The following IRS2 variants were observed in gnomAD, a reference collection of about 807,000 sequenced individuals.
IRS2 encodes the protein insulin receptor substrate 2.
Under a neutral mutation model 70.9 loss-of-function variants are expected in IRS2, and 28 were observed. The ratio of observed to expected loss-of-function variants is 0.39; its 90% CI spans 0.29 to 0.54. IRS2 has a LOEUF of 0.54. IRS2 is among the 20% of genes least tolerant of loss of function. The probability of loss-of-function intolerance (pLI) is 0.59; values close to 1 mark genes in which losing one functional copy is unlikely to be tolerated. For synonymous variants in IRS2, 1,217 were observed against 981.9 expected (o/e 1.24, Z -4.48); for missense variants, 2,081 against 2,024.1 (o/e 1.03, Z -0.54).
In IRS2 at chr13:109,786,037, C is replaced by T. The variant is rs1877914276; in HGVS notation, c.17G>A (p.Arg6Gln). MASPP[R>Q]HGPPGPASGD... is the part of the protein sequence containing the mutation. ...GCTCGCCGGCCCGGGCGGCCCGTGC[C>T]GCGGCGGGCTCGCCATCGCGGGCGC... The change falls in exon 1 of 2, where the codon CGG becomes CAG. Residue 6 changes from arginine (R) to glutamine (Q), a missense_variant. By Grantham distance (43) the Arg-to-Gln change is conservative (BLOSUM62 1). Transcript: ENST00000375856. This position sits in a 1 kb window ranked among gnomAD's most constrained non-coding sequence, Gnocchi z 4.4. 3 of 1,317,560 alleles carry T rather than the reference C, an allele frequency of 2.3e-6. No homozygotes were observed. The highest frequency in any genetic ancestry group is 2.9e-6 in the Non-Finnish European group (3 of 1,036,708). The allele number at this position is 1,317,560 out of a possible 1,614,324, so 81.6% of individuals were successfully genotyped here.
At chr13:109,779,985 A>G (rs1431688791) in intron 1 of IRS2, among the ~76,000 whole-genome samples, 3 of 152,180 alleles carry the variant, frequency 2.0e-5, no homozygotes, top group African/African-American at 7.2e-5. Flanking sequence ...TTTGGACCCC[A>G]ATTCTGAATG....
At position 109,785,605 on chromosome 13, in the gene IRS2, G is replaced by A; in HGVS notation, c.449C>T (p.Ala150Val). The A allele has an allele frequency of 7.3e-7, 1 of 1,365,716 alleles. No individual in the cohort carries two copies. The allele number at this position is 1,365,716 out of a possible 1,614,324, so 84.6% of individuals were successfully genotyped here. A position where few individuals can be genotyped will look rare whatever the true frequency, so the allele number is the denominator to read the frequency against. The change falls in exon 1 of 2, where the codon GCC (alanine) becomes GTC (valine). Residue 150 changes from alanine (A) to valine (V), a missense_variant. Around this residue, in one of 4 missense-constraint regions of IRS2, gnomAD observed 320 missense variants for 352.9 expected, o/e 0.91. Coordinates refer to ENST00000375856, the MANE Select transcript of IRS2 (RefSeq NM_003749.3). This position sits in a 1 kb window ranked among gnomAD's most constrained non-coding sequence, Gnocchi z 9.3. ...CGCGGCGGCGGGGGGCGCGTCTCCGGCGGCCGCGCGGCCCTCGCTGACCAG... is the reference window on the plus strand; with the variant it reads ...CGCGGCGGCGGGGGGCGCGTCTCCGACGGCCGCGCGGCCCTCGCTGACCAG... Reference protein sequence around the residue: ...TDLVSEGRAAAGDAPPAAAPA... With the variant: ...TDLVSEGRAAVGDAPPAAAPA...
intron 1 of IRS2, among the ~76,000 whole-genome samples, chr13:109,779,784 T>C (rs1296287427): frequency 1.3e-5 from 2 of 152,208 alleles, no homozygotes. Flanking sequence ...GCAGCCCCAG[T>C]GATCTCTCAT....
chr13:109,785,537 C>G lies in IRS2; in HGVS notation c.517G>C (p.Gly173Arg), dbSNP rs771982742. 5.8e-6 allele frequency: 9 copies of G among 1,565,202 alleles called. No individual in the cohort carries two copies. The South Asian group carries it at 6.9e-5, about 12-fold the overall frequency. ...CSASLPGALG[G>R]SAGAAGAEDS... ...TCGGCCCCGGCGGCGCCGGCAGAGC[C>G]GCCCAGGGCGCCGGGCAGGGAGGCG... is the stretch of plus-strand genomic sequence containing the variant. Residue 173 changes from glycine (G) to arginine (R), a missense_variant, in exon 1 of 2, where the codon GGC becomes CGC. Gly to Arg is a moderately radical substitution (Grantham distance 125). Around this residue, in one of 4 missense-constraint regions of IRS2, gnomAD observed 320 missense variants for 352.9 expected, o/e 0.91. Transcript: ENST00000375856. The surrounding 1 kb of genome is among the most constrained non-coding windows in gnomAD (Gnocchi z 9.3).
rs1356068324 is a variant in IRS2 at position 109,753,058 on chromosome 13, T to C, written c.*3246A>G. On this transcript the variant is annotated 3_prime_UTR_variant, in exon 2 of 2. Transcript: ENST00000375856. ...CTCACGGCAACCTCTGCCTCCCGGGTTCAAGCCATTCTCCTGCCTCAGCCT... is the reference window on the plus strand; with the variant it reads ...CTCACGGCAACCTCTGCCTCCCGGGCTCAAGCCATTCTCCTGCCTCAGCCT... 3 of 148,634 alleles carry C rather than the reference T, an allele frequency of 2.0e-5. No homozygotes were observed. Among genetic ancestry groups the C allele is most frequent in the Non-Finnish European group, 4.4e-5 (3 of 67,718 alleles). The allele number at this position is 148,634 out of a possible 1,614,324, so 9.2% of individuals were successfully genotyped here.
At chr13:109,773,389 A>G (rs1425960398) in intron 1 of IRS2, among the ~76,000 whole-genome samples, 1 of 152,204 alleles carries the variant, frequency 6.6e-6, no homozygotes, top group Non-Finnish European at 1.5e-5. Context: ...ACTTATCCAT[A>G]ATGGGGAATA....
Position 109,783,707 on chromosome 13 carries a change from A to C in IRS2, c.2347T>G (p.Phe783Val), listed in dbSNP as rs775734988. Reference protein sequence around the residue: ...DAVTTGTPPDFFSAALHPGGE... With the variant: ...DAVTTGTPPDVFSAALHPGGE... ...CCGGGGTGCAGGGCTGCGGAGAAGA[A>C]GTCGGGCGGGGTGCCCGTGGTGACC... Residue 783 changes from phenylalanine (F) to valine (V), a missense_variant, in exon 1 of 2, where the codon TTC (phenylalanine) becomes GTC (valine). Phe to Val is a conservative substitution (Grantham distance 50). Coordinates refer to ENST00000375856, the MANE Select transcript of IRS2 (RefSeq NM_003749.3). 1.3e-6 allele frequency: 2 copies of C among 1,568,986 alleles called. No individual in the cohort carries two copies. Among genetic ancestry groups the C allele is most frequent in the East Asian group, 2.4e-5 (1 of 42,236 alleles).
intron 1 of IRS2, among the ~76,000 whole-genome samples, chr13:109,774,487 A>G (rs9555633): frequency 0.33 from 50,355 of 152,092 alleles, 8,476 homozygotes; most frequent in Middle Eastern, 0.47. Context: ...AAAGGGGGAG[A>G]TGATTAACTA....
rs1877732900 is a variant in IRS2 at position 109,782,362 on chromosome 13, C to A, written c.3692G>T (p.Cys1231Phe). 3.1e-6 allele frequency: 5 copies of A among 1,611,596 alleles called. No homozygotes were observed. The highest frequency in any genetic ancestry group is 3.4e-6 in the Non-Finnish European group (4 of 1,179,414). ...CATGGGCGATCCACCGCTCCCAGGA[C>A]AACCGACCAAGCCCCCGGGCTGACC... ...TPGQPGGLVGCPGSGGSPMRR... is the reference protein window; with the variant it reads ...TPGQPGGLVGFPGSGGSPMRR... The change falls in exon 1 of 2, where the codon TGT becomes TTT. Residue 1231 changes from cysteine (C) to phenylalanine (F), a missense_variant. Cys to Phe is a radical substitution (Grantham distance 205). This residue lies in a region of IRS2 where 1,615 missense variants were observed against 1,459.5 expected (regional missense o/e 1.11). Transcript: ENST00000375856.
chr13:109,764,130 G>A (rs1012983167), intron 1 of IRS2, among the ~76,000 whole-genome samples: 11 of 152,212 alleles, frequency 7.2e-5, no homozygotes, highest in Non-Finnish European at 1.5e-4. Context: ...TCTCTTTGCA[G>A]AGATCAAAGT....
chr13:109,755,953 C>A lies in IRS2; in HGVS notation c.*351G>T. On this transcript the variant is annotated 3_prime_UTR_variant, in exon 2 of 2. Transcript: ENST00000375856. ...CATGCTGAGGGTTATATCTGCTTTGCCAAAAGGAAAAGAAGAAGAAATTAA... is the reference window on the plus strand; with the variant it reads ...CATGCTGAGGGTTATATCTGCTTTGACAAAAGGAAAAGAAGAAGAAATTAA... The A allele has an allele frequency of 2.7e-6, 1 of 376,078 alleles. No homozygotes were observed. Among genetic ancestry groups the A allele is most frequent in the Non-Finnish European group, 4.9e-6 (1 of 202,650 alleles). The allele number at this position is 376,078 out of a possible 1,614,324, so 23.3% of individuals were successfully genotyped here.
chr13:109,753,850 T>C lies in IRS2; in HGVS notation c.*2454A>G. The C allele has an allele frequency of 4.5e-6, 1 of 223,822 alleles. No homozygotes were observed. The highest frequency in any genetic ancestry group is 8.9e-6 in the Non-Finnish European group (1 of 111,912). 13.9% of individuals were successfully genotyped at this position (223,822 alleles called of 1,614,324 possible). On this transcript the variant is annotated 3_prime_UTR_variant, in exon 2 of 2. Transcript: ENST00000375856. ...TTCAGGACTGTATTCATTTCATAAA[T>C]AATGTACTTTATTTTATTGCATATG...
At position 109,786,010 on chromosome 13, in the gene IRS2, C is replaced by G. The variant is rs895227588; in HGVS notation, c.44G>C (p.Gly15Ala). Residue 15 changes from glycine to alanine, a missense_variant, in exon 1 of 2, where the codon GGA becomes GCA. By Grantham distance (60) the Gly-to-Ala change is moderately conservative. Coordinates refer to ENST00000375856, the MANE Select transcript of IRS2 (RefSeq NM_003749.3). This position sits in a 1 kb window ranked among gnomAD's most constrained non-coding sequence, Gnocchi z 4.4. The stretch of plus-strand genomic sequence containing the variant: ...GTTGTTGTTGAGGTTGGGGCCGTCT[C>G]CGCTCGCCGGCCCGGGCGGCCCGTG... ...PRHGPPGPAS[G>A]DGPNLNNNNN... is the part of the protein sequence containing the mutation. The G allele has an allele frequency of 1.2e-4, 171 of 1,399,710 alleles. No homozygotes were observed. The highest frequency in any genetic ancestry group is 2.0e-4 in the Middle Eastern group (1 of 5,040). The allele number at this position is 1,399,710 out of a possible 1,614,324, so 86.7% of individuals were successfully genotyped here. A position where few individuals can be genotyped will look rare whatever the true frequency, so the allele number is the denominator to read the frequency against.
intron 1 of IRS2, among the ~76,000 whole-genome samples, chr13:109,773,285 A>G (rs1877499499): frequency 6.6e-6 from 1 of 152,246 alleles, no homozygotes; most frequent in Non-Finnish European, 1.5e-5. Context: ...CTGATTAGTT[A>G]GTTATTGGTC....
rs1877856341 is a variant in IRS2, at chr13:109,784,663, C to G, written c.1391G>C (p.Gly464Ala). 8.0e-7 allele frequency: 1 copy of G among 1,245,274 alleles called. No individual in the cohort carries two copies. Among genetic ancestry groups the G allele is most frequent in the Non-Finnish European group, 1.0e-6 (1 of 997,430 alleles). 77.1% of individuals were successfully genotyped at this position (1,245,274 alleles called of 1,614,324 possible). A position where few individuals can be genotyped will look rare whatever the true frequency, so the allele number is the denominator to read the frequency against. ...HGSGSYPPPP[G>A]PHPPLPHPLH... ...CGGATGCGGCAGAGGCGGGTGCGGGCCGGGCGGCGGCGGGTAGGAGCCCGA... is the reference window on the plus strand; with the variant it reads ...CGGATGCGGCAGAGGCGGGTGCGGGGCGGGCGGCGGCGGGTAGGAGCCCGA... Residue 464 changes from glycine to alanine, a missense_variant, in exon 1 of 2, where the codon GGC (glycine) becomes GCC (alanine). Around this residue, in one of 4 missense-constraint regions of IRS2, gnomAD observed 1,615 missense variants for 1,459.5 expected, o/e 1.11. Coordinates refer to ENST00000375856, the MANE Select transcript of IRS2 (RefSeq NM_003749.3). The surrounding 1 kb of genome is among the most constrained non-coding windows in gnomAD (Gnocchi z 5.2).
At chr13:109,781,269 T>C (rs1297852085) in intron 1 of IRS2, among the ~76,000 whole-genome samples, 1 of 152,062 alleles carries the variant, frequency 6.6e-6, no homozygotes, top group African/African-American at 2.4e-5. Context: ...GGAGACTCAC[T>C]AGAAATGCAC....
intron 1 of IRS2, among the ~76,000 whole-genome samples, chr13:109,772,004 T>C (rs903627218): frequency 6.6e-6 from 1 of 152,248 alleles, no homozygotes; most frequent in Non-Finnish European, 1.5e-5. Flanking sequence ...AAAACTTTTC[T>C]CCCTGCTTCA....
chr13:109,764,051 C>T (rs1265199253), intron 1 of IRS2, among the ~76,000 whole-genome samples: 10 of 152,212 alleles, frequency 6.6e-5, no homozygotes, highest in Non-Finnish European at 1.5e-5. Context: ...ACCACGTAGC[C>T]TTTAACTGAG....
At chr13:109,770,910 A>G (rs1877439752) in intron 1 of IRS2, among the ~76,000 whole-genome samples, 1 of 152,238 alleles carries the variant, frequency 6.6e-6, no homozygotes, top group Non-Finnish European at 1.5e-5. Flanking sequence ...TGGACAGATC[A>G]AGACTCACAC....
Sources: gnomAD v4.1 joint callset for allele counts (sites outside exome capture counted in the v4.1 genomes callset) on GRCh38, gnomAD v4.1.1 for gene constraint, gnomAD v4.1.1 regional missense constraint, Gnocchi (gnomAD v3.1) non-coding constraint, MANE v1.5 for transcripts, NCBI Gene and HGNC (gene_info 2026-07-23, HGNC 2026-07-21) for gene names.